RORC: variants seen among roughly 807,000 people sequenced by gnomAD.
RORC encodes nuclear receptor ROR-gamma.
A neutral mutation model predicts 64.5 loss-of-function variants in RORC; 13 were observed. That is an observed-to-expected ratio of 0.20 (90% CI 0.13 to 0.32). The LOEUF (loss-of-function observed/expected upper bound fraction) is 0.32. Among genes scored for constraint, RORC ranks in the 10% least tolerant of loss-of-function variants. RORC has a pLI of 1.00. For missense variants in RORC, 468 were observed against 669.5 expected (o/e 0.70, Z 3.32); for synonymous variants, 277 against 259.3 (o/e 1.07, Z -0.65).
At position 151,815,200 on chromosome 1, in the gene RORC, C is replaced by T; in HGVS notation, c.524G>A (p.Gly175Asp). ...DLPEASACPP[G>D]LLKASGSGPS... The stretch of plus-strand genomic sequence containing the variant: ...CCCAGAGCCTGAGGCTTTCAGGAGG[C>T]CAGGGGGACAGGCAGAAGCCTCAGG... The change falls in exon 5 of 11, where the codon GGC (glycine) becomes GAC (aspartate). Residue 175 changes from glycine (G) to aspartate (D), a missense_variant. This residue lies in a region of RORC where 241 missense variants were observed against 295.5 expected (regional missense o/e 0.82). Coordinates refer to ENST00000318247, the MANE Select transcript of RORC (RefSeq NM_005060.4). The T allele has an allele frequency of 6.2e-7, 1 of 1,613,974 alleles. No individual in the cohort carries two copies. Among genetic ancestry groups the T allele is most frequent in the Non-Finnish European group, 8.5e-7 (1 of 1,179,920 alleles).
intron 2 of RORC, among the ~76,000 whole-genome samples, chr1:151,826,996 T>C (rs1471525029): frequency 6.6e-6 from 1 of 152,146 alleles, no homozygotes; most frequent in East Asian, 1.9e-4. Context: ...CGAGCACCTG[T>C]AGTCCCAGCT....
intron 8 of RORC, 65 bp from the exon 9 acceptor site, chr1:151,813,122 C>T (rs1572036233): frequency 6.8e-7 from 1 of 1,461,526 alleles, no homozygotes; most frequent in South Asian, 1.1e-5. Context: ...GGACACCGCC[C>T]TTATTGTGTT....
intron 4 of RORC, 56 bp downstream of exon 4, chr1:151,816,608 G>C (rs1263373998): frequency 3.9e-6 from 6 of 1,525,714 alleles, no homozygotes; most frequent in Non-Finnish European, 4.4e-6. Context: ...CAGCAGGCCA[G>C]GCTGCCCCTC....
rs1000419663 is a variant in RORC, at chr1:151,831,713, T to C, written c.40+12A>G. The stretch of plus-strand genomic sequence containing the variant: ...TCTCTTCCACCTGCAGGCAGGGCCA[T>C]GGGCCTCTTACCCCGTGAGGCTCGG... On this transcript the variant is annotated intron_variant, in intron 1 of 10. Coordinates refer to ENST00000318247, the MANE Select transcript of RORC (RefSeq NM_005060.4). 35 of 1,610,936 alleles carry C rather than the reference T, an allele frequency of 2.2e-5. No individual in the cohort carries two copies. Among genetic ancestry groups the C allele is most frequent in the Middle Eastern group, 1.6e-4 (1 of 6,082 alleles).
At position 151,829,161 on chromosome 1, in the gene RORC, G is replaced by A. The variant is rs887855221; in HGVS notation, c.70+268C>T. ...CTGCCTCTGTCCAGCATTTCTCCTC[G>A]CCTTTTTTCACAAGGCGGTTCCCTT... On this transcript the variant is annotated intron_variant, in intron 2 of 10. Transcript: ENST00000318247. 8.7e-5 allele frequency among the ~76,000 whole-genome samples: 12 copies of A among 138,178 alleles called. 3 individuals are homozygous for A. The highest frequency in any genetic ancestry group is 6.6e-4 in the Admixed American group (8 of 12,206). The allele number at this position is 138,178 out of a possible 152,430, so 90.7% of individuals were successfully genotyped here.
At chr1:151,828,857 T>C (rs1242064257) in intron 2 of RORC, among the ~76,000 whole-genome samples, 2 of 152,094 alleles carry the variant, frequency 1.3e-5, no homozygotes, top group South Asian at 2.1e-4. Context: ...TGGGTGCCTG[T>C]AGTCCCAGCT....
chr1:151,816,578 A>G, intron 4 of RORC, 86 bp downstream of exon 4: 1 of 1,360,840 alleles, frequency 7.3e-7, no homozygotes, highest in Non-Finnish European at 9.8e-7. Context: ...GCCGTCTTGC[A>G]GGTTAAGCCT....
chr1:151,826,694 C>T (rs756108596), intron 2 of RORC, among the ~76,000 whole-genome samples: 5 of 152,212 alleles, frequency 3.3e-5, no homozygotes, highest in African/African-American at 7.2e-5. Flanking sequence ...AGGAGCCAAA[C>T]TGCTGAAATT....
At chr1:151,817,337 C>CATGT in intron 2 of RORC, 57 bp from the exon 3 acceptor site, 2 of 1,219,006 alleles carry the variant, frequency 1.6e-6, no homozygotes, top group South Asian at 2.4e-5. Context: ...ATTCAACCAC[C>CATGT]ATGTACCTGG....
chr1:151,829,723 C>A (rs1447944004), intron 1 of RORC, among the ~76,000 whole-genome samples: 1 of 152,250 alleles, frequency 6.6e-6, no homozygotes, highest in African/African-American at 2.4e-5. Context: ...ATGCCTGTCC[C>A]TCCTGTACCC....
intron 4 of RORC, 112 bp downstream of exon 4, chr1:151,816,549 AGAG>A: frequency 2.8e-6 from 3 of 1,087,006 alleles, no homozygotes; most frequent in Middle Eastern, 3.1e-4. Flanking sequence ...GGAGGAATGG[AGAG>A]GAGACCAGAG....
rs199657854 is a variant in RORC, at chr1:151,815,101, C to T, written c.623G>A (p.Arg208Gln). 20 of 1,614,082 alleles carry T rather than the reference C, an allele frequency of 1.2e-5. No homozygotes were observed. Among genetic ancestry groups the T allele is most frequent in the African/African-American group, 4.0e-5 (3 of 74,938 alleles). ...GCTCTCTCTGCCCTCAGCCTTGCCC[C>T]GCTCAGGGCTGTATTCAAGGTGGCA... ...ASCHLEYSPE[R>Q]GKAEGRESFY... is the part of the protein sequence containing the mutation. The change falls in exon 5 of 11, where the codon CGG (arginine) becomes CAG (glutamine). Residue 208 changes from arginine to glutamine, a missense_variant. By Grantham distance (43) the Arg-to-Gln change is conservative. Around this residue, in one of 5 missense-constraint regions of RORC, gnomAD observed 241 missense variants for 295.5 expected, o/e 0.82. Transcript: ENST00000318247.
At chr1:151,822,357 C>G (rs974795138) in intron 2 of RORC, among the ~76,000 whole-genome samples, 1 of 152,224 alleles carries the variant, frequency 6.6e-6, no homozygotes, top group Non-Finnish European at 1.5e-5. Flanking sequence ...ACACTACCCC[C>G]AGCCCAGGCC....
At chr1:151,814,466 T>C in intron 6 of RORC, 108 bp downstream of exon 6, 1 of 1,217,160 alleles carries the variant, frequency 8.2e-7, no homozygotes, top group South Asian at 1.5e-5. Flanking sequence ...AGCCTGTGTC[T>C]GTGATGTCCC....
At chr1:151,827,739 G>A (rs1572047964) in intron 2 of RORC, among the ~76,000 whole-genome samples, 1 of 152,214 alleles carries the variant, frequency 6.6e-6, no homozygotes, top group East Asian at 1.9e-4. Flanking sequence ...GAGCTGGGCC[G>A]TGGAGTGGGG....
In RORC at chr1:151,815,162, T is replaced by C. The variant is rs1217419102; in HGVS notation, c.562A>G (p.Asn188Asp). 3 of 1,613,982 alleles carry C rather than the reference T, an allele frequency of 1.9e-6. No individual in the cohort carries two copies. The highest frequency in any genetic ancestry group is 2.5e-6 in the Non-Finnish European group (3 of 1,179,950). The stretch of plus-strand genomic sequence containing the variant: ...TTGAGCCCTGCCTTGGCCAAGTTGT[T>C]GGAATATGAGGGCCCAGAGCCTGAG... ...KASGSGPSYS[N>D]NLAKAGLNGA... The change falls in exon 5 of 11, where the codon AAC becomes GAC. Residue 188 changes from asparagine to aspartate, a missense_variant. Asn to Asp is a conservative substitution (Grantham distance 23). This residue lies in a region of RORC where 241 missense variants were observed against 295.5 expected (regional missense o/e 0.82). Transcript: ENST00000318247.
Position 151,815,366 on chromosome 1 carries a change from T to G in RORC, c.358A>C (p.Lys120Gln). 1 of 1,568,654 alleles carries G rather than the reference T, an allele frequency of 6.4e-7. No homozygotes were observed. Among genetic ancestry groups the G allele is most frequent in the Non-Finnish European group, 8.6e-7 (1 of 1,158,526 alleles). Residue 120 changes from lysine (K) to glutamine (Q), a missense_variant, in exon 5 of 11, where the codon AAA (lysine) becomes CAA (glutamine). Coordinates refer to ENST00000318247, the MANE Select transcript of RORC (RefSeq NM_005060.4). ...QRDSLHAEVQ[K>Q]QLQQRQQQQQ... ...TGCTGTTGCCGCTGCTGCAGCTGTT[T>G]CTGCACTTCTGCATGCAGGCTGTCC...
At position 151,815,129 on chromosome 1, in the gene RORC, A is replaced by G. The variant is rs1161656885; in HGVS notation, c.595T>C (p.Ser199Pro). Reference sequence around the variant, plus strand: ...TCAGGGCTGTATTCAAGGTGGCATGAGGCCCCATTGAGCCCTGCCTTGGCC... The same window carrying G: ...TCAGGGCTGTATTCAAGGTGGCATGGGGCCCCATTGAGCCCTGCCTTGGCC... ...NLAKAGLNGA[S>P]CHLEYSPERG... Residue 199 changes from serine to proline, a missense_variant, in exon 5 of 11, where the codon TCA (serine) becomes CCA (proline). This residue lies in a region of RORC where 241 missense variants were observed against 295.5 expected (regional missense o/e 0.82). Coordinates refer to ENST00000318247, the MANE Select transcript of RORC (RefSeq NM_005060.4). The G allele has an allele frequency of 1.2e-6, 2 of 1,614,164 alleles. No homozygotes were observed. The highest frequency in any genetic ancestry group is 1.7e-6 in the Non-Finnish European group (2 of 1,179,998).
rs776802205 is a variant in RORC at position 151,816,795 on chromosome 1, C to T, written c.167G>A (p.Arg56His). The change falls in exon 4 of 11, where the codon CGC becomes CAC. Residue 56 changes from arginine (R) to histidine (H), a missense_variant. Coordinates refer to ENST00000318247, the MANE Select transcript of RORC (RefSeq NM_005060.4). ...GGCCGCGTTACAGCGCTGGCTCCGG[C>T]GGAAGAAGCCCTGGGGAAAGCAGGT... Reference protein sequence around the residue: ...ITCEGCKGFFRRSQRCNAAYS... With the variant: ...ITCEGCKGFFHRSQRCNAAYS... 6.5e-7 allele frequency: 1 copy of T among 1,539,644 alleles called. No individual in the cohort carries two copies. Among genetic ancestry groups the T allele is most frequent in the Non-Finnish European group, 8.8e-7 (1 of 1,137,392 alleles).
Sources: allele counts gnomAD v4.1 joint callset (sites outside exome capture counted in the v4.1 genomes callset), GRCh38; gene constraint gnomAD v4.1.1; regional missense constraint gnomAD v4.1.1; transcripts MANE v1.5; gene names NCBI Gene and HGNC (gene_info 2026-07-23, HGNC 2026-07-21).